Variants in CDHR1 observed in about 807,000 individuals in gnomAD.
The protein encoded by CDHR1 is cadherin related family member 1, also known as cadherin-related family member 1.
CDHR1 carries 61 observed loss-of-function variants against 72.1 expected under a neutral mutation model. That is an observed-to-expected ratio of 0.85 (90% CI 0.69 to 1.05). The LOEUF (loss-of-function observed/expected upper bound fraction) is 1.05, where lower values mean the gene tolerates loss of function less well. Ranked by LOEUF, CDHR1 falls within the 50% of genes least tolerant of loss-of-function variation. The probability of loss-of-function intolerance (pLI) is 0.00; values close to 1 mark genes in which losing one functional copy is unlikely to be tolerated. For missense variants in CDHR1, 1,186 were observed against 1,115.7 expected, an observed-to-expected ratio of 1.06 and a Z score of -0.90; for synonymous variants, 470 against 448.1, an observed-to-expected ratio of 1.05 and a Z score of -0.62.
chr10:84,197,938 T>G, intron 4 of CDHR1, 102 bp downstream of exon 4: 1 of 1,170,322 alleles, frequency 8.5e-7, no homozygotes, highest in South Asian at 1.3e-5. Context: ...GGGGCTTTTC[T>G]GCAAGTTTAA....
Position 84,205,832 on chromosome 10 carries a change from G to C in CDHR1, c.868G>C (p.Asp290His), listed in dbSNP as rs373576430. ...GGGTGCATCTCCCTTGACAGGGAAC[G>C]ATGGAGCCTTTGAAATTAATGAGAC... ...RILYSLVNGN[D>H]GAFEINETSG... is the part of the protein sequence containing the mutation. The change falls in exon 10 of 17, where the codon GAT becomes CAT. Residue 290 changes from aspartate to histidine, a missense_variant. Transcript: ENST00000623527. 3.1e-6 allele frequency: 5 copies of C among 1,613,378 alleles called. No individual in the cohort carries two copies. The African/African-American group carries it at 6.7e-5, about 22-fold the overall frequency.
intron 12 of CDHR1, among the ~76,000 whole-genome samples, chr10:84,210,484 C>A (rs554409016): frequency 6.6e-6 from 1 of 152,104 alleles, no homozygotes; most frequent in Non-Finnish European, 1.5e-5. Flanking sequence ...CCAGGCTGGT[C>A]TCGAACTCCC....
intron 7 of CDHR1, 25 bp downstream of exon 7, chr10:84,201,945 T>A: frequency 6.5e-7 from 1 of 1,547,740 alleles, no homozygotes. Flanking sequence ...CAGGGGAGCA[T>A]CCAGTGTCTC....
rs1402687626 is a variant in CDHR1 at position 84,203,071 on chromosome 10, C to T, written c.731C>T (p.Pro244Leu). The T allele has an allele frequency of 3.7e-6, 6 of 1,614,244 alleles. No homozygotes were observed. Among genetic ancestry groups the T allele is most frequent in the Non-Finnish European group, 4.2e-6 (5 of 1,180,050 alleles). Residue 244 changes from proline (P) to leucine (L), a missense_variant, in exon 8 of 17, where the codon CCT becomes CTT. Transcript: ENST00000623527. Reference sequence around the variant, plus strand: ...GTGGAGGATGTTCAGGACATGGCCCCTGTCTTCGTGGGCACACCCTACTAT... The same window carrying T: ...GTGGAGGATGTTCAGGACATGGCCCTTGTCTTCGTGGGCACACCCTACTAT... ...VNVEDVQDMA[P>L]VFVGTPYYGY...
At chr10:84,203,765 G>T (rs1435378332) in intron 8 of CDHR1, among the ~76,000 whole-genome samples, 1 of 152,224 alleles carries the variant, frequency 6.6e-6, no homozygotes, top group Admixed American at 6.5e-5. Flanking sequence ...GGACCCAGTG[G>T]TGGAGACGGG....
At chr10:84,200,936 C>T (rs1842113945) in intron 6 of CDHR1, among the ~76,000 whole-genome samples, 1 of 152,212 alleles carries the variant, frequency 6.6e-6, no homozygotes, top group Non-Finnish European at 1.5e-5. Flanking sequence ...CCTCAGCCCT[C>T]CACATCCCCA....
At chr10:84,201,462 C>T (rs1842123563) in intron 6 of CDHR1, among the ~76,000 whole-genome samples, 1 of 152,214 alleles carries the variant, frequency 6.6e-6, no homozygotes, top group South Asian at 2.1e-4. Flanking sequence ...ACCCCTGGCT[C>T]CCTCTGGGTT....
intron 4 of CDHR1, 70 bp downstream of exon 4, chr10:84,197,906 G>A (rs758613827): frequency 1.5e-5 from 21 of 1,443,020 alleles, no homozygotes; most frequent in Middle Eastern, 2.2e-4. Flanking sequence ...AGGCTGGCAC[G>A]ATTCCTCCCC....
Position 84,214,298 on chromosome 10 carries a change from A to G in CDHR1, c.2257A>G (p.Ile753Val). The change falls in exon 17 of 17, where the codon ATT (isoleucine) becomes GTT (valine). Residue 753 changes from isoleucine (I) to valine (V), a missense_variant. Physicochemically the swap from Ile to Val is conservative, Grantham distance 29. Coordinates refer to ENST00000623527, the MANE Select transcript of CDHR1 (RefSeq NM_033100.4). ...RPSPAPRTIR[I>V]EWLKSKSTKA... is the part of the protein sequence containing the mutation. ...CAGCCCTGCGCCCCGCACCATCCGC[A>G]TTGAGTGGCTCAAGTCCAAGAGCAC... is the stretch of plus-strand genomic sequence containing the variant. 6.2e-7 allele frequency: 1 copy of G among 1,614,068 alleles called. No individual in the cohort carries two copies. The highest frequency in any genetic ancestry group is 8.5e-7 in the Non-Finnish European group (1 of 1,180,042).
At chr10:84,194,894 A>T in intron 1 of CDHR1, 79 bp downstream of exon 1, 2 of 1,365,472 alleles carry the variant, frequency 1.5e-6, no homozygotes, top group Non-Finnish European at 2.0e-6. Context: ...GGCCAGAGGG[A>T]CATGGTCCTG....
intron 7 of CDHR1, 95 bp downstream of exon 7, chr10:84,202,015 G>C: frequency 1.1e-6 from 1 of 887,888 alleles, no homozygotes; most frequent in Non-Finnish European, 1.8e-6. Context: ...AGTTTGGAGA[G>C]CAGGAGACAT....
chr10:84,214,681 G>C lies in CDHR1; in HGVS notation c.*60G>C. On this transcript the variant is annotated 3_prime_UTR_variant, in exon 17 of 17. Coordinates refer to ENST00000623527, the MANE Select transcript of CDHR1 (RefSeq NM_033100.4). ...CCTGACCCCCACCACCCTGCTGCTC[G>C]GACTATGCTCCCCTTCCTCTGCTCC... 1 of 1,594,672 alleles carries C rather than the reference G, an allele frequency of 6.3e-7. No individual in the cohort carries two copies. Among genetic ancestry groups the C allele is most frequent in the Non-Finnish European group, 8.5e-7 (1 of 1,178,022 alleles).
downstream of CDHR1, chr10:84,219,287 A>G (rs566541155): frequency 5.8e-5 from 90 of 1,549,754 alleles, 1 homozygote; most frequent in South Asian, 9.8e-4. Context: ...AAAGTATCAG[A>G]TTCTCAGAAA....
intron 12 of CDHR1, 142 bp downstream of exon 12, chr10:84,209,023 C>A (rs1034288198): frequency 2.1e-6 from 2 of 939,562 alleles, no homozygotes; most frequent in Non-Finnish European, 3.3e-6. Context: ...CTCTGCCCCT[C>A]CTGCAGATTG....
At position 84,215,388 on chromosome 10, in the gene CDHR1, C is replaced by T. The variant is rs60075421; in HGVS notation, c.*767C>T. ...GGAGCTATAGAGGTAGCCCTAAAGGCAACTAGAAGAGCATCAGGGCTGCTC... is the reference window on the plus strand; with the variant it reads ...GGAGCTATAGAGGTAGCCCTAAAGGTAACTAGAAGAGCATCAGGGCTGCTC... On this transcript the variant is annotated 3_prime_UTR_variant, in exon 17 of 17. Transcript: ENST00000623527. 1.9e-3 allele frequency: 1,889 copies of T among 985,558 alleles called. 33 individuals are homozygous for T. The African/African-American group carries it at 0.031, about 16-fold the overall frequency. 61.1% of individuals were successfully genotyped at this position (985,558 alleles called of 1,614,324 possible).
chr10:84,214,860 AC>A lies in CDHR1; in HGVS notation c.*240del. The A allele has an allele frequency of 6.9e-7, 1 of 1,450,826 alleles. No individual in the cohort carries two copies. Among genetic ancestry groups the A allele is most frequent in the Middle Eastern group, 2.5e-4 (1 of 3,950 alleles). 89.9% of individuals were successfully genotyped at this position (1,450,826 alleles called of 1,614,324 possible). On this transcript the variant is annotated 3_prime_UTR_variant, in exon 17 of 17. Transcript: ENST00000623527. Reference sequence around the variant, plus strand: ...GGGCTCTAGGATGCAATTGGCAAATACGTCCCCGTTACTCAAATCCTTGGCA... The same window carrying A: ...GGGCTCTAGGATGCAATTGGCAAATAGTCCCCGTTACTCAAATCCTTGGCA...
rs1321485140 is a variant in CDHR1, at chr10:84,217,548, G to T, written c.*2927G>T. The T allele has an allele frequency of 1.0e-6, 1 of 981,402 alleles. No individual in the cohort carries two copies. Among genetic ancestry groups the T allele is most frequent in the African/African-American group, 1.8e-5 (1 of 57,142 alleles). The allele number at this position is 981,402 out of a possible 1,614,324, so 60.8% of individuals were successfully genotyped here. On this transcript the variant is annotated 3_prime_UTR_variant, in exon 17 of 17. Coordinates refer to ENST00000623527, the MANE Select transcript of CDHR1 (RefSeq NM_033100.4). ...TTTCCTCATTAACACAGGGTGCAAA[G>T]TATGGTTGCAGAGAGGATGAAAAGA...
intron 3 of CDHR1, 86 bp downstream of exon 3, chr10:84,196,736 A>G: frequency 6.7e-7 from 1 of 1,491,410 alleles, no homozygotes; most frequent in Non-Finnish European, 9.3e-7. Context: ...CACATTGGTT[A>G]GAACCTCTCC....
In CDHR1 at chr10:84,215,047, A is replaced by G; in HGVS notation, c.*426A>G. The G allele has an allele frequency of 9.3e-7, 1 of 1,070,674 alleles. No individual in the cohort carries two copies. The highest frequency in any genetic ancestry group is 1.1e-6 in the Non-Finnish European group (1 of 881,142). The allele number at this position is 1,070,674 out of a possible 1,614,324, so 66.3% of individuals were successfully genotyped here. A position where few individuals can be genotyped will look rare whatever the true frequency, so the allele number is the denominator to read the frequency against. ...TGGAGCAACACTGACTAGAATCTGG[A>G]TCCTGACGCCTGCAGCTGAGAGCAG... On this transcript the variant is annotated 3_prime_UTR_variant, in exon 17 of 17. Coordinates refer to ENST00000623527, the MANE Select transcript of CDHR1 (RefSeq NM_033100.4).
Sources: gnomAD v4.1 joint callset for allele counts (sites outside exome capture counted in the v4.1 genomes callset) on GRCh38, gnomAD v4.1.1 for gene constraint, MANE v1.5 for transcripts, NCBI Gene and HGNC (gene_info 2026-07-23, HGNC 2026-07-21) for gene names.